Variants in TBX5 observed in about 807,000 individuals in gnomAD.
The protein encoded by TBX5 is T-box transcription factor 5, also known as T-box transcription factor TBX5.
In TBX5, 8 loss-of-function variants were observed where a neutral mutation model predicts 51.1. That is an observed-to-expected ratio of 0.16 (90% confidence interval 0.09 to 0.28). The LOEUF is 0.28. Among genes scored for constraint, TBX5 ranks in the 10% least tolerant of loss-of-function variants. TBX5 has a pLI of 1.00. For synonymous variants in TBX5, 302 were observed against 266.4 expected (o/e 1.13, Z -1.30); for missense variants, 589 against 671.7 (o/e 0.88, Z 1.36).
intron 1 of TBX5, among the ~76,000 whole-genome samples, chr12:114,404,624 G>C (rs1249915568): frequency 1.3e-5 from 2 of 152,152 alleles, no homozygotes; most frequent in East Asian, 3.9e-4. Flanking sequence ...AGTAAGATTC[G>C]TTAAAAGATA....
intron 7 of TBX5, among the ~76,000 whole-genome samples, chr12:114,380,609 A>T (rs1467567723): frequency 6.6e-6 from 1 of 152,120 alleles, no homozygotes; most frequent in Non-Finnish European, 1.5e-5. Flanking sequence ...AGGCCAGGAC[A>T]TGAGGATTGC....
intron 6 of TBX5, among the ~76,000 whole-genome samples, chr12:114,392,395 A>G (rs1181270365): frequency 3.3e-5 from 5 of 152,150 alleles, no homozygotes; most frequent in Non-Finnish European, 7.4e-5. Context: ...CAAATATGGC[A>G]GTTTATTAGA....
chr12:114,375,056 T>C (rs1004806121), intron 7 of TBX5, among the ~76,000 whole-genome samples: 8 of 152,230 alleles, frequency 5.3e-5, no homozygotes, highest in African/African-American at 1.9e-4. Flanking sequence ...CGATTTTTCA[T>C]AATAGAACAC....
chr12:114,401,997 A>C, intron 2 of TBX5, 77 bp from the exon 3 acceptor site: 10 of 1,235,830 alleles, frequency 8.1e-6, no homozygotes, highest in Non-Finnish European at 1.1e-5. Flanking sequence ...CCCCCAAAAC[A>C]CAGAGACTGC....
intron 3 of TBX5, among the ~76,000 whole-genome samples, chr12:114,399,848 T>C (rs1396224451): frequency 6.6e-6 from 1 of 152,146 alleles, no homozygotes; most frequent in Non-Finnish European, 1.5e-5. Context: ...CGGGCAACTG[T>C]AGGTAACCTA....
chr12:114,398,822 G>C lies in TBX5; in HGVS notation c.363-102C>G, dbSNP rs576927119. 23 of 1,405,120 alleles carry C rather than the reference G, an allele frequency of 1.6e-5. No individual in the cohort carries two copies. In the African/African-American group the frequency reaches 3.3e-4, roughly 20 times the overall value. The allele number at this position is 1,405,120 out of a possible 1,614,324, so 87.0% of individuals were successfully genotyped here. A position where few individuals can be genotyped will look rare whatever the true frequency, so the allele number is the denominator to read the frequency against. On this transcript the variant is annotated intron_variant, in intron 4 of 8. Coordinates refer to ENST00000405440, the MANE Select transcript of TBX5 (RefSeq NM_181486.4). ...TCACGCACCAGGTGAGGGTTGTTGA[G>C]TAGTAGCTGGGAATAATCTGGAGGC...
At chr12:114,364,097 C>A (rs1012855430) in intron 8 of TBX5, among the ~76,000 whole-genome samples, 3 of 152,332 alleles carry the variant, frequency 2.0e-5, no homozygotes, top group Admixed American at 1.3e-4. Flanking sequence ...ATGTAAATAC[C>A]AATGACAGCT....
At chr12:114,391,928 G>T (rs1312280039) in intron 6 of TBX5, among the ~76,000 whole-genome samples, 3 of 152,136 alleles carry the variant, frequency 2.0e-5, no homozygotes, top group South Asian at 2.1e-4. Flanking sequence ...GAAGAAGTGG[G>T]GGAGGGTAAC....
intron 7 of TBX5, among the ~76,000 whole-genome samples, chr12:114,372,115 G>T (rs1869943415): frequency 6.6e-6 from 1 of 152,114 alleles, no homozygotes; most frequent in Non-Finnish European, 1.5e-5. Context: ...GGAGGTGGGT[G>T]AGGGATGAGA....
chr12:114,376,104 T>C (rs765684070), intron 7 of TBX5, among the ~76,000 whole-genome samples: 1 of 152,136 alleles, frequency 6.6e-6, no homozygotes, highest in African/African-American at 2.4e-5. Context: ...CAGGGATATA[T>C]GTATATCCCT....
intron 3 of TBX5, among the ~76,000 whole-genome samples, chr12:114,400,508 C>T (rs1054779529): frequency 6.6e-6 from 1 of 152,226 alleles, no homozygotes; most frequent in African/African-American, 2.4e-5. Context: ...AAGGCTGGCC[C>T]GGGGCGAAAA....
intron 7 of TBX5, among the ~76,000 whole-genome samples, chr12:114,370,288 G>GA (rs56105735): frequency 0.21 from 11,892 of 56,596 alleles, 1,307 homozygotes; most frequent in African/African-American, 0.31. Flanking sequence ...GAAAAGAAAA[G>GA]AAAGAAAAGA....
intron 6 of TBX5, among the ~76,000 whole-genome samples, chr12:114,391,390 G>C (rs76418271): frequency 2.6e-5 from 4 of 152,158 alleles, no homozygotes; most frequent in African/African-American, 9.7e-5. Flanking sequence ...AGAGTTTTCC[G>C]AAGTCTGTGT....
chr12:114,394,651 G>A, intron 6 of TBX5, 90 bp downstream of exon 6: 2 of 1,580,248 alleles, frequency 1.3e-6, no homozygotes, highest in Non-Finnish European at 1.7e-6. Flanking sequence ...GCCATTCAGA[G>A]GAGCAAAGTT....
In TBX5 at chr12:114,386,762, T is replaced by G. The variant is rs146497955; in HGVS notation, c.664-1195A>C. 8.4e-3 allele frequency among the ~76,000 whole-genome samples: 1,285 copies of G among 152,174 alleles called. 9 individuals are homozygous for G. Among genetic ancestry groups the G allele is most frequent in the Middle Eastern group, 0.024 (7 of 294 alleles). ...ACACAAACCAGTACTGAACTGAGAC[T>G]CCCTCTCTAATAGAAGACTAGAAAG... is the stretch of plus-strand genomic sequence containing the variant. On this transcript the variant is annotated intron_variant, in intron 6 of 8. Coordinates refer to ENST00000405440, the MANE Select transcript of TBX5 (RefSeq NM_181486.4).
chr12:114,381,504 T>G (rs149971532), intron 7 of TBX5, among the ~76,000 whole-genome samples: 1 of 152,182 alleles, frequency 6.6e-6, no homozygotes, highest in African/African-American at 2.4e-5. Flanking sequence ...TTGGGAGTAC[T>G]GGGGAGCTTT....
chr12:114,381,015 T>A (rs953765571), intron 7 of TBX5, among the ~76,000 whole-genome samples: 3 of 152,168 alleles, frequency 2.0e-5, no homozygotes, highest in African/African-American at 4.8e-5. Context: ...AATGACTTTA[T>A]GCTTTGTGCT....
chr12:114,367,240 A>AACAAAAAAG (rs1233785427), intron 7 of TBX5, among the ~76,000 whole-genome samples: 49 of 152,284 alleles, frequency 3.2e-4, no homozygotes, highest in African/African-American at 1.1e-3. Context: ...GAAAGAAAAA[A>AACAAAAAAG]GAAACAAAAA....
intron 8 of TBX5, among the ~76,000 whole-genome samples, chr12:114,362,858 T>A (rs541954864): frequency 6.6e-6 from 1 of 151,958 alleles, no homozygotes; most frequent in African/African-American, 2.4e-5. Flanking sequence ...AGAGATGGAG[T>A]CTTACTATGT....
Sources: allele counts gnomAD v4.1 joint callset (sites outside exome capture counted in the v4.1 genomes callset), GRCh38; gene constraint gnomAD v4.1.1; transcripts MANE v1.5; gene names NCBI Gene and HGNC (gene_info 2026-07-23, HGNC 2026-07-21).